The following EEIG2 variants were observed in gnomAD, a reference collection of about 807,000 sequenced individuals.
EEIG2 encodes the protein EEIG family member 2, also known as family with sequence similarity 102 member B.
At chr1:108,627,482 G>A in the EEIG2 span, 2 of 152,306 alleles carry the variant, frequency 1.3e-5, no homozygotes, top group Non-Finnish European at 1.5e-5. Context: ...AAGAAGCCTG[G>A]TTCTGAAAAT....
At chr1:108,624,578 C>G in the EEIG2 span, 1 of 1,402,920 alleles carries the variant, frequency 7.1e-7, no homozygotes. Flanking sequence ...ACTAAGCTCA[C>G]CAATCAATAA....
the EEIG2 span, among the ~76,000 whole-genome samples, chr1:108,634,032 C>G: frequency 6.6e-6 from 1 of 152,102 alleles, no homozygotes; most frequent in Non-Finnish European, 1.5e-5. Flanking sequence ...GGACCACAGT[C>G]CTGCACTGCC....
the EEIG2 span, chr1:108,625,193 G>A: frequency 0.14 from 21,045 of 154,960 alleles, 2,083 homozygotes; most frequent in African/African-American, 0.28. Context: ...CAGAGTGTTC[G>A]ATTCAGTAGA....
chr1:108,617,165 A>G, the EEIG2 span, among the ~76,000 whole-genome samples: 1 of 152,128 alleles, frequency 6.6e-6, no homozygotes, highest in East Asian at 1.9e-4. Context: ...GGGTGATAGG[A>G]GATGAGGTCA....
the EEIG2 span, chr1:108,624,944 T>G: frequency 1.8e-6 from 1 of 549,170 alleles, no homozygotes; most frequent in Non-Finnish European, 3.3e-6. Context: ...AAACTAGATG[T>G]TACAATGACA....
the EEIG2 span, among the ~76,000 whole-genome samples, chr1:108,631,765 C>T: frequency 1.3e-5 from 2 of 151,866 alleles, no homozygotes; most frequent in African/African-American, 4.8e-5. Flanking sequence ...TCTTTCAGTG[C>T]TCACAACATA....
chr1:108,599,912 C>T, the EEIG2 span, among the ~76,000 whole-genome samples: 1 of 152,156 alleles, frequency 6.6e-6, no homozygotes, highest in Non-Finnish European at 1.5e-5. Context: ...AGGAGAATTG[C>T]TTGAATCCAG....
chr1:108,566,900 G>A, the EEIG2 span, among the ~76,000 whole-genome samples: 5 of 152,174 alleles, frequency 3.3e-5, no homozygotes, highest in East Asian at 9.7e-4. Flanking sequence ...GTTTCAATTA[G>A]GTGGCATGGA....
At chr1:108,583,080 T>C in the EEIG2 span, among the ~76,000 whole-genome samples, 1 of 152,186 alleles carries the variant, frequency 6.6e-6, no homozygotes, top group Non-Finnish European at 1.5e-5. Flanking sequence ...TCTTAAAATA[T>C]AGCTTTCCAG....
At chr1:108,611,783 G>A in the EEIG2 span, among the ~76,000 whole-genome samples, 1 of 152,188 alleles carries the variant, frequency 6.6e-6, no homozygotes, top group African/African-American at 2.4e-5. Context: ...TTCTCTATGT[G>A]TATGCAAATT....
the EEIG2 span, among the ~76,000 whole-genome samples, chr1:108,564,614 T>G: frequency 6.6e-6 from 1 of 152,162 alleles, no homozygotes; most frequent in African/African-American, 2.4e-5. Context: ...TTATTTAGAA[T>G]TTCCTTACAT....
chr1:108,582,392 TTATTC>T, the EEIG2 span, among the ~76,000 whole-genome samples: 14 of 152,180 alleles, frequency 9.2e-5, no homozygotes, highest in South Asian at 4.1e-4. Context: ...TTTTTAGTGT[TTATTC>T]TATTATCTAC....
chr1:108,628,670 T>C, the EEIG2 span: 3 of 1,602,872 alleles, frequency 1.9e-6, no homozygotes, highest in Non-Finnish European at 2.5e-6. Context: ...TGTAATTCTT[T>C]TCAAAGATGC....
the EEIG2 span, among the ~76,000 whole-genome samples, chr1:108,588,503 CTT>C: frequency 6.6e-6 from 1 of 151,958 alleles, no homozygotes; most frequent in Non-Finnish European, 1.5e-5. Flanking sequence ...TGTATGTCTT[CTT>C]TTTTTATTGT....
At chr1:108,616,299 C>T in the EEIG2 span, 11 of 867,268 alleles carry the variant, frequency 1.3e-5, no homozygotes, top group Non-Finnish European at 1.9e-5. Flanking sequence ...AATGCTTTCC[C>T]AATAGAAAAT....
chr1:108,602,145 A>G, the EEIG2 span, among the ~76,000 whole-genome samples: 1 of 152,334 alleles, frequency 6.6e-6, no homozygotes, highest in Middle Eastern at 3.4e-3. Flanking sequence ...CTGAAAGGTA[A>G]CATTTGAAGA....
the EEIG2 span, chr1:108,560,659 C>T: frequency 1.4e-6 from 2 of 1,416,544 alleles, no homozygotes; most frequent in South Asian, 2.6e-5. Context: ...CTCGCCTTTC[C>T]CTAGGGACCG....
At chr1:108,564,459 G>A in the EEIG2 span, among the ~76,000 whole-genome samples, 1 of 152,196 alleles carries the variant, frequency 6.6e-6, no homozygotes, top group Admixed American at 6.5e-5. Flanking sequence ...TATTGCATAT[G>A]GTGGTGGAAG....
the EEIG2 span, among the ~76,000 whole-genome samples, chr1:108,618,286 A>G: frequency 6.6e-6 from 1 of 152,210 alleles, no homozygotes; most frequent in Non-Finnish European, 1.5e-5. Context: ...GGAAGCATAT[A>G]GAAGTTCTTT....
Sources: allele counts gnomAD v4.1 joint callset (sites outside exome capture counted in the v4.1 genomes callset), GRCh38; gene constraint gnomAD v4.1.1; transcripts MANE v1.5; gene names NCBI Gene and HGNC (gene_info 2026-07-23, HGNC 2026-07-21).